The following DSTYK variants were observed in gnomAD, a reference collection of about 807,000 sequenced individuals.
DSTYK encodes RIP-homologous kinase.
In DSTYK, 34 loss-of-function variants were observed where a neutral mutation model predicts 98.7. The observed-to-expected ratio is 0.34, with a 90% confidence interval of 0.26 to 0.46. The LOEUF is 0.46. DSTYK is among the 20% of genes least tolerant of loss of function. The probability of loss-of-function intolerance (pLI) is 1.00; values close to 1 mark genes in which losing one functional copy is unlikely to be tolerated. For missense variants in DSTYK, 962 were observed against 1,181.7 expected, an observed-to-expected ratio of 0.81 and a Z score of 2.73; for synonymous variants, 462 against 457.3, an observed-to-expected ratio of 1.01 and a Z score of -0.13.
At chr1:205,196,177 A>G (rs1658859917) in intron 1 of DSTYK, among the ~76,000 whole-genome samples, 1 of 152,194 alleles carries the variant, frequency 6.6e-6, no homozygotes, top group East Asian at 1.9e-4. Context: ...TCACAAGTCT[A>G]CACTGATTAA....
intron 2 of DSTYK, among the ~76,000 whole-genome samples, chr1:205,170,220 G>C (rs904166467): frequency 6.6e-6 from 1 of 152,048 alleles, no homozygotes; most frequent in African/African-American, 2.4e-5. Flanking sequence ...AGTCGACCTG[G>C]GGCACTCCTC....
chr1:205,209,712 C>T (rs955040761), intron 1 of DSTYK, among the ~76,000 whole-genome samples: 2 of 142,090 alleles, frequency 1.4e-5, no homozygotes, highest in African/African-American at 5.0e-5. Flanking sequence ...TCTGGATTCC[C>T]AGTCGGATGT....
At chr1:205,209,238 T>C (rs1183125540) in intron 1 of DSTYK, among the ~76,000 whole-genome samples, 1 of 152,248 alleles carries the variant, frequency 6.6e-6, no homozygotes, top group Non-Finnish European at 1.5e-5. Context: ...AAATAAATAG[T>C]TGTTTTAAAA....
chr1:205,185,550 T>A (rs1658536886), intron 2 of DSTYK, among the ~76,000 whole-genome samples: 1 of 152,202 alleles, frequency 6.6e-6, no homozygotes, highest in Non-Finnish European at 1.5e-5. Flanking sequence ...TATCAGGTCA[T>A]AGCATCAACT....
intron 2 of DSTYK, among the ~76,000 whole-genome samples, chr1:205,180,731 C>T (rs1558615951): frequency 6.6e-6 from 1 of 152,206 alleles, no homozygotes; most frequent in African/African-American, 2.4e-5. Flanking sequence ...TCCCAAAGTG[C>T]TGGCATTACA....
chr1:205,157,524 C>T (rs898723954), intron 9 of DSTYK, 138 bp from the exon 10 acceptor site: 10 of 612,212 alleles, frequency 1.6e-5, no homozygotes, highest in Non-Finnish European at 2.8e-5. Context: ...CCTGTAACCC[C>T]AGCACTTAGG....
At chr1:205,202,836 A>C in intron 1 of DSTYK, 1 of 463,106 alleles carries the variant, frequency 2.2e-6, no homozygotes, top group Non-Finnish European at 3.9e-6. Context: ...AGCAGAGCCT[A>C]TATTAACTGA....
chr1:205,174,298 A>T (rs1486426328), intron 2 of DSTYK, among the ~76,000 whole-genome samples: 1 of 151,888 alleles, frequency 6.6e-6, no homozygotes, highest in African/African-American at 2.4e-5. Context: ...GTGGATCACG[A>T]AGTCAGGAGT....
intron 2 of DSTYK, among the ~76,000 whole-genome samples, chr1:205,178,352 T>A (rs1208501656): frequency 6.6e-6 from 1 of 152,024 alleles, no homozygotes; most frequent in Non-Finnish European, 1.5e-5. Flanking sequence ...TTCTACCTAA[T>A]GGACAGTCAA....
Position 205,211,494 on chromosome 1 carries a change from C to T in DSTYK, c.42G>A (p.Ser14=), listed in dbSNP as rs140909469. ...DGVPWGSEPV[S]GPGPGGGGMI... The stretch of plus-strand genomic sequence containing the variant: ...TTCCGCCGCCGCCGGGGCCGGGACC[C>T]GAGACGGGCTCGCTGCCCCATGGCA... The change falls in exon 1 of 13, where the codon TCG becomes TCA. Residue 14 remains serine, a synonymous_variant. Transcript: ENST00000367162. 33 of 1,579,138 alleles carry T rather than the reference C, an allele frequency of 2.1e-5. No individual in the cohort carries two copies. The highest frequency in any genetic ancestry group is 1.7e-4 in the Middle Eastern group (1 of 5,864).
intron 2 of DSTYK, among the ~76,000 whole-genome samples, chr1:205,176,943 G>A (rs988176341): frequency 6.6e-6 from 1 of 152,008 alleles, no homozygotes; most frequent in Non-Finnish European, 1.5e-5. Flanking sequence ...AGTGTCTCAC[G>A]CCTGTAATCC....
intron 11 of DSTYK, among the ~76,000 whole-genome samples, chr1:205,148,572 T>C (rs1030355413): frequency 1.3e-5 from 2 of 152,106 alleles, no homozygotes; most frequent in African/African-American, 2.4e-5. Context: ...GCCTAGAACT[T>C]GACAAAGGAG....
chr1:205,145,479 C>T lies in DSTYK; in HGVS notation c.*2079G>A, dbSNP rs957454719. On this transcript the variant is annotated 3_prime_UTR_variant, in exon 13 of 13. Transcript: ENST00000367162. ...AAGATGGTCATTCTGTCATAGACAA[C>T]CCTAGAAAATCCCAGCAGCAGATGT... 6.6e-6 allele frequency: 1 copy of T among 151,710 alleles called. No homozygotes were observed. Among genetic ancestry groups the T allele is most frequent in the African/African-American group, 2.4e-5 (1 of 41,320 alleles). 9.4% of individuals were successfully genotyped at this position (151,710 alleles called of 1,614,324 possible).
chr1:205,173,390 CAAAAAAAAAAA>C lies in DSTYK; in HGVS notation c.655-3569_655-3559del, dbSNP rs570805658. 4 of 82,606 alleles carry C rather than the reference CAAAAAAAAAAA, an allele frequency of 4.8e-5. No individual in the cohort carries two copies. In the South Asian group the frequency reaches 1.2e-3, roughly 26 times the overall value. The allele number at this position is 82,606 out of a possible 1,614,324, so 5.1% of individuals were successfully genotyped here. A position where few individuals can be genotyped will look rare whatever the true frequency, so the allele number is the denominator to read the frequency against. On this transcript the variant is annotated intron_variant, in intron 2 of 12. Coordinates refer to ENST00000367162, the MANE Select transcript of DSTYK (RefSeq NM_015375.3). ...CCTGGGTGACAGAATGAGACTGTCT[CAAAAAAAAAAA>C]AAAAAAAAAAGAAAAGAAAAGAAAA...
intron 9 of DSTYK, among the ~76,000 whole-genome samples, chr1:205,159,082 T>A (rs975593059): frequency 1.0e-4 from 15 of 149,106 alleles, no homozygotes; most frequent in African/African-American, 3.1e-4. Context: ...GATAAATCTT[T>A]AAAAATTTTT....
chr1:205,198,758 C>T (rs1658942462), intron 1 of DSTYK, among the ~76,000 whole-genome samples: 3 of 151,876 alleles, frequency 2.0e-5, no homozygotes, highest in African/African-American at 7.3e-5. Context: ...GAAATTCTCT[C>T]CCCATTAAAT....
rs569598992 is a variant in DSTYK, at chr1:205,199,019, T to C, written c.266-11213A>G. ...GACACTTTGAGGATGAAAGTACTTT[T>C]TTAAAATAAGTGGAATTTTTTTAAA... On this transcript the variant is annotated intron_variant, in intron 1 of 12. Coordinates refer to ENST00000367162, the MANE Select transcript of DSTYK (RefSeq NM_015375.3). Among the ~76,000 whole-genome samples the C allele has an allele frequency of 5.4e-4, 82 of 152,276 alleles. 1 individual carries two copies. The highest frequency in any genetic ancestry group is 1.9e-3 in the African/African-American group (80 of 41,560).
At chr1:205,194,922 T>A (rs1312549335) in intron 1 of DSTYK, among the ~76,000 whole-genome samples, 6 of 151,632 alleles carry the variant, frequency 4.0e-5, no homozygotes, top group Non-Finnish European at 5.9e-5. Flanking sequence ...AACCTCTACC[T>A]CCCAGGTTCA....
intron 1 of DSTYK, among the ~76,000 whole-genome samples, chr1:205,200,629 A>G (rs1431731005): frequency 2.0e-5 from 3 of 152,168 alleles, no homozygotes; most frequent in African/African-American, 7.2e-5. Context: ...TTTTTCCTTC[A>G]TAACATCAAT....
Sources: gnomAD v4.1 joint callset for allele counts (sites outside exome capture counted in the v4.1 genomes callset) on GRCh38, gnomAD v4.1.1 for gene constraint, MANE v1.5 for transcripts, NCBI Gene and HGNC (gene_info 2026-07-23, HGNC 2026-07-21) for gene names.